GRID1: variants seen among roughly 807,000 people sequenced by gnomAD.
GRID1 encodes glutamate receptor ionotropic, delta-1.
Under a neutral mutation model 98.0 loss-of-function variants are expected in GRID1, and 28 were observed. The ratio of observed to expected loss-of-function variants is 0.29; its 90% CI spans 0.21 to 0.39. The LOEUF (loss-of-function observed/expected upper bound fraction) is 0.39, where lower values mean the gene tolerates loss of function less well. Among genes scored for constraint, GRID1 ranks in the 10% least tolerant of loss-of-function variants. The probability of loss-of-function intolerance (pLI) is 1.00; values close to 1 mark genes in which losing one functional copy is unlikely to be tolerated. For missense variants in GRID1, 1,111 were observed against 1,340.5 expected (o/e 0.83, Z 2.67); for synonymous variants, 553 against 538.5 (o/e 1.03, Z -0.37).
At chr10:86,296,012 C>A (rs549667949) in intron 2 of GRID1, among the ~76,000 whole-genome samples, 1 of 152,204 alleles carries the variant, frequency 6.6e-6, no homozygotes, top group Non-Finnish European at 1.5e-5. Flanking sequence ...TAGCTCAGCT[C>A]GGCCCTAGCT....
At chr10:85,950,965 C>A (rs1258872401) in intron 4 of GRID1, among the ~76,000 whole-genome samples, 1 of 151,704 alleles carries the variant, frequency 6.6e-6, no homozygotes, top group African/African-American at 2.4e-5. Flanking sequence ...TGGGAGACGT[C>A]TGGAGTTAGG....
chr10:86,215,610 A>G (rs1365859684), intron 2 of GRID1, among the ~76,000 whole-genome samples: 1 of 152,114 alleles, frequency 6.6e-6, no homozygotes, highest in Non-Finnish European at 1.5e-5. Context: ...GTCTTGGAGA[A>G]CCTCGAAAGC....
At chr10:85,665,609 T>C (rs935246732) in intron 12 of GRID1, among the ~76,000 whole-genome samples, 2 of 152,214 alleles carry the variant, frequency 1.3e-5, no homozygotes, top group African/African-American at 4.8e-5. Context: ...TATGCAGATG[T>C]GGTCTTAAAT....
intron 5 of GRID1, among the ~76,000 whole-genome samples, chr10:85,877,070 T>G (rs1230779628): frequency 1.3e-5 from 2 of 152,212 alleles, no homozygotes; most frequent in Non-Finnish European, 2.9e-5. Context: ...CGCCTGCCAT[T>G]GCCCAGGCTT....
chr10:85,893,403 A>G (rs1841234005), intron 5 of GRID1, among the ~76,000 whole-genome samples: 7 of 152,158 alleles, frequency 4.6e-5, no homozygotes, highest in Admixed American at 4.6e-4. Flanking sequence ...TAGAAAAATA[A>G]GTGAGAGAGA....
chr10:86,021,160 T>G (rs1478150924), intron 4 of GRID1, among the ~76,000 whole-genome samples: 2 of 152,186 alleles, frequency 1.3e-5, no homozygotes, highest in Admixed American at 6.5e-5. Context: ...CAATTGCAGG[T>G]GTGATTTAAG....
intron 8 of GRID1, among the ~76,000 whole-genome samples, chr10:85,768,849 C>T (rs1842225074): frequency 6.6e-6 from 1 of 152,218 alleles, no homozygotes; most frequent in African/African-American, 2.4e-5. Context: ...AAGTCACAAA[C>T]ACACATATAC....
chr10:85,746,391 T>C lies in GRID1; in HGVS notation c.1234-16777A>G, dbSNP rs72841468. Among the ~76,000 whole-genome samples, 281 of 152,302 alleles carry C rather than the reference T, an allele frequency of 1.8e-3. 2 individuals are homozygous for C. Among genetic ancestry groups the C allele is most frequent in the South Asian group, 5.2e-3 (25 of 4,818 alleles). The stretch of plus-strand genomic sequence containing the variant: ...TCCAAGTCTAGCAATAACATCATCC[T>C]ATGCTCTTCTAGAAAGTGACCTTGT... On this transcript the variant is annotated intron_variant, in intron 8 of 15. Coordinates refer to ENST00000327946, the MANE Select transcript of GRID1 (RefSeq NM_017551.3).
At chr10:85,985,098 C>T (rs1842593427) in intron 4 of GRID1, among the ~76,000 whole-genome samples, 1 of 152,134 alleles carries the variant, frequency 6.6e-6, no homozygotes, top group South Asian at 2.1e-4. Context: ...CTGTAACAAC[C>T]AAAAATGTCT....
At chr10:85,865,971 A>ATATATATG (rs1564613351) in intron 6 of GRID1, among the ~76,000 whole-genome samples, 7 of 107,698 alleles carry the variant, frequency 6.5e-5, no homozygotes, top group African/African-American at 2.1e-4. Flanking sequence ...AGAGAGAGAG[A>ATATATATG]GAGAGAGAGA....
At chr10:86,274,619 T>C (rs1847239789) in intron 2 of GRID1, among the ~76,000 whole-genome samples, 1 of 152,110 alleles carries the variant, frequency 6.6e-6, no homozygotes, top group African/African-American at 2.4e-5. Context: ...CTTGAAGAGG[T>C]CCTTCACGTC....
chr10:85,625,935 C>T (rs1026165874), intron 13 of GRID1, among the ~76,000 whole-genome samples: 8 of 152,210 alleles, frequency 5.3e-5, no homozygotes, highest in African/African-American at 1.9e-4. Context: ...CTTTCAGAGA[C>T]ATCAGCCTTT....
At chr10:85,653,826 G>A (rs1247228705) in intron 12 of GRID1, among the ~76,000 whole-genome samples, 2 of 152,162 alleles carry the variant, frequency 1.3e-5, no homozygotes, top group African/African-American at 4.8e-5. Context: ...ACCACCACAT[G>A]ACACTGAAGG....
chr10:85,604,017 G>C (rs1367284899), intron 15 of GRID1, among the ~76,000 whole-genome samples: 1 of 152,170 alleles, frequency 6.6e-6, no homozygotes, highest in African/African-American at 2.4e-5. Context: ...GGGACAGTGG[G>C]AGAGGATTTC....
intron 8 of GRID1, among the ~76,000 whole-genome samples, chr10:85,820,039 C>G (rs548777668): frequency 9.7e-6 from 1 of 102,810 alleles, no homozygotes. Context: ...GGCAGGCAGG[C>G]AGGCAGGCAG....
intron 5 of GRID1, among the ~76,000 whole-genome samples, chr10:85,902,405 T>C (rs1280704926): frequency 6.6e-6 from 1 of 152,224 alleles, no homozygotes; most frequent in East Asian, 1.9e-4. Flanking sequence ...ATTTTCCACT[T>C]AATACTTTTG....
chr10:85,996,943 G>A (rs896605873), intron 4 of GRID1, among the ~76,000 whole-genome samples: 1 of 151,638 alleles, frequency 6.6e-6, no homozygotes, highest in Admixed American at 6.6e-5. Flanking sequence ...AAGAAGTTCT[G>A]CAAACCCAAA....
At chr10:86,258,231 A>G (rs965987632) in intron 2 of GRID1, among the ~76,000 whole-genome samples, 1 of 152,350 alleles carries the variant, frequency 6.6e-6, no homozygotes, top group South Asian at 2.1e-4. Context: ...AATACTACCA[A>G]TTATTTTCAA....
At chr10:85,617,861 G>A (rs1164936534) in intron 14 of GRID1, among the ~76,000 whole-genome samples, 2 of 152,138 alleles carry the variant, frequency 1.3e-5, no homozygotes, top group Admixed American at 6.5e-5. Context: ...TGAGTGGACA[G>A]GTAGTGGGCA....
Sources: allele counts gnomAD v4.1 joint callset (sites outside exome capture counted in the v4.1 genomes callset), GRCh38; gene constraint gnomAD v4.1.1; transcripts MANE v1.5; gene names NCBI Gene and HGNC (gene_info 2026-07-23, HGNC 2026-07-21).